Variants in CRYL1 observed in about 807,000 individuals in gnomAD.
CRYL1 encodes crystallin lambda 1.
In CRYL1, 29 loss-of-function variants were observed where a neutral mutation model predicts 36.6. The observed-to-expected ratio is 0.79, with a 90% CI of 0.59 to 1.08. The LOEUF is 1.08. CRYL1 is among the 50% of genes least tolerant of loss of function. The pLI, the probability that CRYL1 is intolerant of heterozygous loss-of-function variation, is 0.00. For synonymous variants in CRYL1, 152 were observed against 151.5 expected (o/e 1.00, Z -0.02); for missense variants, 411 against 407.9 (o/e 1.01, Z -0.06).
chr13:20,432,395 G>T, intron 4 of CRYL1, 99 bp from the exon 5 acceptor site: 1 of 747,026 alleles, frequency 1.3e-6, no homozygotes, highest in Non-Finnish European at 2.1e-6. Context: ...TGCATCTTTG[G>T]AATGGTGCCT....
intron 3 of CRYL1, among the ~76,000 whole-genome samples, chr13:20,465,326 C>T (rs2032910383): frequency 1.3e-5 from 2 of 152,256 alleles, no homozygotes; most frequent in Middle Eastern, 3.4e-3. Flanking sequence ...TGCTGAGTGA[C>T]TCTGGGCAAG....
chr13:20,415,332 G>A lies in CRYL1; in HGVS notation c.634-1945C>T, dbSNP rs2031632533. Among the ~76,000 whole-genome samples, 1 of 152,150 alleles carries A rather than the reference G, an allele frequency of 6.6e-6. No homozygotes were observed. On this transcript the variant is annotated intron_variant, in intron 5 of 7. Coordinates refer to ENST00000298248, the MANE Select transcript of CRYL1 (RefSeq NM_015974.3). This position sits in a 1 kb window ranked among gnomAD's most constrained non-coding sequence, Gnocchi z 4.1. Reference sequence around the variant, plus strand: ...TTCCTGGGCCTCCAGGGCAGCCCCAGGGGTCCCCCGAGAAGCGAGAAAAGG... The same window carrying A: ...TTCCTGGGCCTCCAGGGCAGCCCCAAGGGTCCCCCGAGAAGCGAGAAAAGG...
intron 2 of CRYL1, among the ~76,000 whole-genome samples, chr13:20,504,406 C>A (rs984209589): frequency 4.0e-5 from 6 of 149,548 alleles, no homozygotes; most frequent in African/African-American, 1.2e-4. Flanking sequence ...CACGTTCAAG[C>A]GATTCTCCTG....
intron 1 of CRYL1, among the ~76,000 whole-genome samples, chr13:20,517,952 A>T (rs1020928994): frequency 2.0e-5 from 3 of 151,472 alleles, no homozygotes; most frequent in African/African-American, 7.3e-5. Context: ...AAAAAAAAAA[A>T]AAAAGCAATG....
chr13:20,459,794 T>C (rs533660467), intron 3 of CRYL1, among the ~76,000 whole-genome samples: 2 of 152,156 alleles, frequency 1.3e-5, no homozygotes, highest in Non-Finnish European at 2.9e-5. Flanking sequence ...CCCCATGACA[T>C]GCAATTTACT....
intron 6 of CRYL1, among the ~76,000 whole-genome samples, chr13:20,407,493 T>G (rs938640662): frequency 5.3e-5 from 8 of 152,182 alleles, no homozygotes; most frequent in Non-Finnish European, 1.0e-4. Context: ...GAGAGGAGAA[T>G]TGGGTGTAAA....
chr13:20,518,831 T>C (rs1262763882), intron 1 of CRYL1, among the ~76,000 whole-genome samples: 1 of 152,106 alleles, frequency 6.6e-6, no homozygotes, highest in Non-Finnish European at 1.5e-5. Flanking sequence ...CCAAGAAGAA[T>C]TGCTGGCGAA....
chr13:20,404,519 C>T, intron 7 of CRYL1, 116 bp downstream of exon 7: 1 of 716,560 alleles, frequency 1.4e-6, no homozygotes, highest in African/African-American at 1.8e-5. Context: ...CCACCAAGAT[C>T]AAGGGTAAAG....
intron 1 of CRYL1, among the ~76,000 whole-genome samples, chr13:20,514,465 G>C (rs1381187096): frequency 6.6e-6 from 1 of 152,072 alleles, no homozygotes; most frequent in Admixed American, 6.6e-5. Flanking sequence ...AAACTGTTAG[G>C]GTCATCAAAA....
chr13:20,417,155 C>A (rs1399445047), intron 5 of CRYL1, among the ~76,000 whole-genome samples: 1 of 152,218 alleles, frequency 6.6e-6, no homozygotes, highest in East Asian at 1.9e-4. Context: ...GTTTGAGTTT[C>A]TCCCTGCTGC....
intron 4 of CRYL1, among the ~76,000 whole-genome samples, chr13:20,439,181 A>G (rs902568080): frequency 1.3e-5 from 2 of 152,154 alleles, no homozygotes; most frequent in African/African-American, 4.8e-5. Flanking sequence ...TATCTATACA[A>G]TCCTACCCAA....
intron 3 of CRYL1, among the ~76,000 whole-genome samples, chr13:20,472,130 A>G (rs1194131318): frequency 1.3e-5 from 2 of 152,062 alleles, no homozygotes; most frequent in African/African-American, 4.8e-5. Context: ...CAAAGTGTTA[A>G]GATTACAGGT....
chr13:20,511,783 T>A (rs1432684494), intron 2 of CRYL1, among the ~76,000 whole-genome samples: 1 of 152,196 alleles, frequency 6.6e-6, no homozygotes, highest in Non-Finnish European at 1.5e-5. Context: ...CTGCAATGGC[T>A]TCTTTCCCCT....
rs372472491 is a variant in CRYL1, at chr13:20,432,181, C to G, written c.554G>C (p.Arg185Pro). 6.2e-7 allele frequency: 1 copy of G among 1,613,970 alleles called. No homozygotes were observed. The highest frequency in any genetic ancestry group is 8.5e-7 in the Non-Finnish European group (1 of 1,180,030). The change falls in exon 5 of 8, where the codon CGA becomes CCA. Residue 185 changes from arginine (R) to proline (P), a missense_variant. Transcript: ENST00000298248. ...GAAGCCGGCCACCTCCTTCTGGACTCGCATGGGGCACTGTCCAATCTTCTT... is the reference window on the plus strand; with the variant it reads ...GAAGCCGGCCACCTCCTTCTGGACTGGCATGGGGCACTGTCCAATCTTCTT... ...LMKKIGQCPM[R>P]VQKEVAGFVL...
At chr13:20,488,396 A>G (rs1014397243) in intron 3 of CRYL1, among the ~76,000 whole-genome samples, 2 of 152,224 alleles carry the variant, frequency 1.3e-5, no homozygotes, top group Non-Finnish European at 2.9e-5. Context: ...GTTGAAAAAC[A>G]GTCCTCTCCT....
chr13:20,467,985 G>A (rs549942937), intron 3 of CRYL1, among the ~76,000 whole-genome samples: 26 of 152,216 alleles, frequency 1.7e-4, no homozygotes, highest in African/African-American at 6.0e-4. Flanking sequence ...AAGGGATCTA[G>A]GTTGTGCTCT....
At chr13:20,475,467 T>A (rs771264280) in intron 3 of CRYL1, among the ~76,000 whole-genome samples, 2 of 152,138 alleles carry the variant, frequency 1.3e-5, no homozygotes, top group Non-Finnish European at 2.9e-5. Flanking sequence ...CAATCAAAAA[T>A]ATTCCTGAGG....
chr13:20,519,838 T>C (rs2034064019), intron 1 of CRYL1, among the ~76,000 whole-genome samples: 1 of 152,160 alleles, frequency 6.6e-6, no homozygotes, highest in South Asian at 2.1e-4. Flanking sequence ...AAAAAATTAA[T>C]CAGGGAACTC....
intron 5 of CRYL1, chr13:20,431,036 C>A (rs773612148): frequency 1.0e-6 from 1 of 985,294 alleles, no homozygotes; most frequent in Non-Finnish European, 1.2e-6. Context: ...TCGAGGCAAC[C>A]GCGTGGCAAA....
Sources: allele counts gnomAD v4.1 joint callset (sites outside exome capture counted in the v4.1 genomes callset), GRCh38; gene constraint gnomAD v4.1.1; non-coding constraint Gnocchi (gnomAD v3.1); transcripts MANE v1.5; gene names NCBI Gene and HGNC (gene_info 2026-07-23, HGNC 2026-07-21).